The following CCBE1 variants were observed in gnomAD, a reference collection of about 807,000 sequenced individuals.
CCBE1 encodes the protein collagen and calcium-binding EGF domain-containing protein 1.
CCBE1 carries 37 observed loss-of-function variants against 50.0 expected under a neutral mutation model. The observed-to-expected ratio is 0.74, with a 90% CI of 0.57 to 0.97. CCBE1 has a LOEUF of 0.97. Among genes scored for constraint, CCBE1 ranks in the 50% least tolerant of loss-of-function variants. The probability of loss-of-function intolerance (pLI) is 0.00; values close to 1 mark genes in which losing one functional copy is unlikely to be tolerated. For missense variants in CCBE1, 538 were observed against 523.8 expected (o/e 1.03, Z -0.26); for synonymous variants, 234 against 203.7 (o/e 1.15, Z -1.27).
intron 2 of CCBE1, among the ~76,000 whole-genome samples, chr18:59,605,929 T>A (rs141823138): frequency 6.6e-6 from 1 of 152,308 alleles, no homozygotes; most frequent in Non-Finnish European, 1.5e-5. Context: ...ATGCCTGAGC[T>A]AGGCCTCAGT....
At chr18:59,532,647 T>A (rs75535308) in intron 2 of CCBE1, among the ~76,000 whole-genome samples, 2,416 of 152,324 alleles carry the variant, frequency 0.016, 35 homozygotes, top group South Asian at 0.051. Flanking sequence ...CTCCACAGAC[T>A]GAAGAAACAT....
intron 2 of CCBE1, among the ~76,000 whole-genome samples, chr18:59,602,490 T>C (rs1490432180): frequency 9.9e-5 from 15 of 152,148 alleles, no homozygotes; most frequent in Non-Finnish European, 2.1e-4. Flanking sequence ...TATAAAACCA[T>C]TGGATAAATA....
chr18:59,617,045 A>G (rs1373647128), intron 2 of CCBE1, among the ~76,000 whole-genome samples: 1 of 152,218 alleles, frequency 6.6e-6, no homozygotes, highest in Non-Finnish European at 1.5e-5. Flanking sequence ...TAGATAAGGG[A>G]CTGACACCCA....
At chr18:59,603,381 T>C (rs1365435789) in intron 2 of CCBE1, among the ~76,000 whole-genome samples, 2 of 152,170 alleles carry the variant, frequency 1.3e-5, no homozygotes, top group Admixed American at 1.3e-4. Context: ...TTATTATTAT[T>C]TCTAAAACAA....
intron 5 of CCBE1, among the ~76,000 whole-genome samples, chr18:59,461,478 T>C (rs1429827292): frequency 6.6e-6 from 1 of 152,128 alleles, no homozygotes; most frequent in Non-Finnish European, 1.5e-5. Context: ...GAGTTTCTAC[T>C]TTCAAATATT....
chr18:59,511,557 A>T (rs563323322), intron 2 of CCBE1, among the ~76,000 whole-genome samples: 2 of 152,378 alleles, frequency 1.3e-5, no homozygotes, highest in Non-Finnish European at 2.9e-5. Flanking sequence ...TGTAAAGATT[A>T]AATCTGGGTA....
chr18:59,687,699 C>T (rs116313133), intron 2 of CCBE1, among the ~76,000 whole-genome samples: 1 of 152,206 alleles, frequency 6.6e-6, no homozygotes, highest in Non-Finnish European at 1.5e-5. Context: ...TCAAGTGGCT[C>T]ACACCTGTAA....
intron 2 of CCBE1, among the ~76,000 whole-genome samples, chr18:59,584,430 G>A (rs2053145347): frequency 6.6e-6 from 1 of 151,956 alleles, no homozygotes; most frequent in Non-Finnish European, 1.5e-5. Context: ...CAGCACACCA[G>A]CATGGCACAT....
intron 2 of CCBE1, among the ~76,000 whole-genome samples, chr18:59,491,187 T>C (rs908304221): frequency 6.6e-6 from 1 of 152,232 alleles, no homozygotes; most frequent in African/African-American, 2.4e-5. Context: ...GCATGATACA[T>C]GATAAACTGA....
intron 3 of CCBE1, among the ~76,000 whole-genome samples, chr18:59,472,130 G>A (rs1912063018): frequency 6.6e-6 from 1 of 152,180 alleles, no homozygotes; most frequent in Non-Finnish European, 1.5e-5. Flanking sequence ...CAAAGGTCTG[G>A]GTCCCTGATC....
intron 2 of CCBE1, among the ~76,000 whole-genome samples, chr18:59,681,376 TTAAGA>T (rs1568270783): frequency 6.6e-6 from 1 of 152,190 alleles, no homozygotes; most frequent in East Asian, 1.9e-4. Context: ...GTCCAGTATG[TTAAGA>T]TAAAAGATGT....
chr18:59,483,045 C>A (rs888843938), intron 2 of CCBE1, among the ~76,000 whole-genome samples: 3 of 152,186 alleles, frequency 2.0e-5, no homozygotes, highest in Admixed American at 1.3e-4. Flanking sequence ...TCACCTACAG[C>A]CTATCATGTC....
chr18:59,590,320 C>G (rs541317396), intron 2 of CCBE1, among the ~76,000 whole-genome samples: 47 of 152,178 alleles, frequency 3.1e-4, no homozygotes, highest in Non-Finnish European at 5.7e-4. Flanking sequence ...CAGAAAAAAG[C>G]TTAAGAAATT....
intron 2 of CCBE1, among the ~76,000 whole-genome samples, chr18:59,575,551 T>C (rs1046688197): frequency 6.6e-6 from 1 of 152,154 alleles, no homozygotes; most frequent in African/African-American, 2.4e-5. Context: ...ACTAACACAA[T>C]ATGATCAATG....
chr18:59,654,726 A>G lies in CCBE1; in HGVS notation c.212+41903T>C, dbSNP rs1462630732. Among the ~76,000 whole-genome samples the G allele has an allele frequency of 4.0e-5, 6 of 149,896 alleles. No homozygotes were observed. In the South Asian group the frequency reaches 1.3e-3, roughly 33 times the overall value. On this transcript the variant is annotated intron_variant, in intron 2 of 10. Coordinates refer to ENST00000439986, the MANE Select transcript of CCBE1 (RefSeq NM_133459.4). Reference sequence around the variant, plus strand: ...AGAATTGCTTGAACCCAGGAGGTGGAAGTTGCAGTGAGCCAAGATCGTGCC... The same window carrying G: ...AGAATTGCTTGAACCCAGGAGGTGGGAGTTGCAGTGAGCCAAGATCGTGCC...
chr18:59,503,223 G>C (rs1021158048), intron 2 of CCBE1, among the ~76,000 whole-genome samples: 1 of 152,226 alleles, frequency 6.6e-6, no homozygotes, highest in South Asian at 2.1e-4. Flanking sequence ...AAGTGTCTTA[G>C]GCAGCGAGCT....
chr18:59,647,735 T>A (rs1242976547), intron 2 of CCBE1, among the ~76,000 whole-genome samples: 1 of 152,230 alleles, frequency 6.6e-6, no homozygotes, highest in African/African-American at 2.4e-5. Context: ...AAGGACAGAA[T>A]TTTCAAATTC....
intron 2 of CCBE1, among the ~76,000 whole-genome samples, chr18:59,514,876 C>T (rs905340400): frequency 3.9e-5 from 6 of 151,962 alleles, no homozygotes; most frequent in East Asian, 3.9e-4. Context: ...TCTATAATTC[C>T]GATTTCTGAG....
chr18:59,611,507 G>A (rs2053568345), intron 2 of CCBE1, among the ~76,000 whole-genome samples: 1 of 152,206 alleles, frequency 6.6e-6, no homozygotes, highest in Non-Finnish European at 1.5e-5. Flanking sequence ...CACTTTGGGA[G>A]GCCAAGGTGG....
Sources: gnomAD v4.1 joint callset for allele counts (sites outside exome capture counted in the v4.1 genomes callset) on GRCh38, gnomAD v4.1.1 for gene constraint, MANE v1.5 for transcripts, NCBI Gene and HGNC (gene_info 2026-07-23, HGNC 2026-07-21) for gene names.